Variants in GCNT2 observed in about 807,000 individuals in gnomAD.
The protein encoded by GCNT2 is glucosaminyl (N-acetyl) transferase 2 (I blood group), also known as N-acetyllactosaminide beta-1,6-N-acetylglucosaminyl-transferase.
A neutral mutation model predicts 34.2 loss-of-function variants in GCNT2; 34 were observed. The ratio of observed to expected loss-of-function variants is 1.00; its 90% CI spans 0.76 to 1.32. The LOEUF (loss-of-function observed/expected upper bound fraction) is 1.32, where lower values mean the gene tolerates loss of function less well. Among genes scored for constraint, GCNT2 ranks in the 40% most tolerant of loss-of-function variants. GCNT2 has a pLI of 0.00. For missense variants in GCNT2, 584 were observed against 489.4 expected (o/e 1.19, Z -1.82); for synonymous variants, 212 against 188.0 (o/e 1.13, Z -1.04).
intron 3 of GCNT2, among the ~76,000 whole-genome samples, chr6:10,544,135 G>A (rs915859811): frequency 7.9e-5 from 12 of 152,044 alleles, no homozygotes; most frequent in Middle Eastern, 3.4e-3. Flanking sequence ...CCAATATGGC[G>A]AAACCCCGTC....
chr6:10,585,975 A>G, intron 3 of GCNT2: 2 of 1,613,472 alleles, frequency 1.2e-6, no homozygotes. Context: ...TTGTTTCCCC[A>G]GGGAAGTGAA....
intron 3 of GCNT2, chr6:10,575,122 T>C (rs1168542282): frequency 2.1e-6 from 1 of 465,168 alleles, no homozygotes; most frequent in Non-Finnish European, 4.0e-6. Flanking sequence ...ATGTCACCTT[T>C]CTTATAGATT....
intron 3 of GCNT2, among the ~76,000 whole-genome samples, chr6:10,539,989 G>A (rs1761963753): frequency 6.6e-6 from 1 of 152,106 alleles, no homozygotes; most frequent in Non-Finnish European, 1.5e-5. Context: ...GAAGCAGGAG[G>A]ATCGCTTGAG....
intron 3 of GCNT2, among the ~76,000 whole-genome samples, chr6:10,600,381 T>TTTG (rs1288070891): frequency 6.6e-6 from 1 of 152,246 alleles, no homozygotes; most frequent in African/African-American, 2.4e-5. Context: ...TGTTGTTGAT[T>TTTG]TTGAAGCAGC....
chr6:10,526,365 G>A (rs1410333206), intron 1 of GCNT2, among the ~76,000 whole-genome samples: 1 of 152,106 alleles, frequency 6.6e-6, no homozygotes, highest in African/African-American at 2.4e-5. Context: ...CATTTCCTGT[G>A]TTCCTGACAC....
At chr6:10,556,590 C>T (rs767815975) in intron 3 of GCNT2, 153 of 1,614,072 alleles carry the variant, frequency 9.5e-5, no homozygotes, top group Non-Finnish European at 1.2e-4. Flanking sequence ...AATGGAAAAA[C>T]ACGTTTCCTG....
At chr6:10,618,830 G>A (rs1765906214) in intron 3 of GCNT2, among the ~76,000 whole-genome samples, 1 of 144,828 alleles carries the variant, frequency 6.9e-6, no homozygotes, top group African/African-American at 2.7e-5. Context: ...GCTTAATAGT[G>A]TTTTTCTTGA....
intron 3 of GCNT2, among the ~76,000 whole-genome samples, chr6:10,605,750 CTGCT>C (rs1765281323): frequency 6.6e-6 from 1 of 152,102 alleles, no homozygotes; most frequent in Admixed American, 6.5e-5. Context: ...CCATTTGCAC[CTGCT>C]ATCTACTTTG....
At chr6:10,601,944 AAAAAAAAAAAAAAAAAC>A (rs1301264720) in intron 3 of GCNT2, among the ~76,000 whole-genome samples, 2 of 12,536 alleles carry the variant, frequency 1.6e-4, no homozygotes, top group African/African-American at 5.8e-4. Context: ...CCATCTCAAG[AAAAAAAAAAAAAAAAAC>A]AAAAAAAACA....
intron 3 of GCNT2, among the ~76,000 whole-genome samples, chr6:10,534,139 C>CTTTTTATTTTTTTTTTTTTTTTTTTTTTT (rs1491129469): frequency 8.1e-6 from 1 of 123,152 alleles, no homozygotes; most frequent in Admixed American, 8.8e-5. Context: ...TTCCATGCTG[C>CTTTTTATTTTTTTTTTTTTTTTTTTTTTT]TCTTTTTTTT....
At position 10,601,943 on chromosome 6, in the gene GCNT2, GAA is replaced by G. The variant is rs57927445; in HGVS notation, c.926-19392_926-19391del. ...GCAACAGAGCGAGACTCCATCTCAAGAAAAAAAAAAAAAAAAACAAAAAAAAC... is the reference window on the plus strand; with the variant it reads ...GCAACAGAGCGAGACTCCATCTCAAGAAAAAAAAAAAAAAACAAAAAAAAC... On this transcript the variant is annotated intron_variant, in intron 3 of 4. Transcript: ENST00000495262. 3.8e-3 allele frequency among the ~76,000 whole-genome samples: 424 copies of G among 113,022 alleles called. 3 individuals are homozygous for G. The East Asian group carries it at 0.054, about 14-fold the overall frequency. 74.1% of individuals were successfully genotyped at this position (113,022 alleles called of 152,430 possible). A position where few individuals can be genotyped will look rare whatever the true frequency, so the allele number is the denominator to read the frequency against.
intron 3 of GCNT2, chr6:10,557,037 T>C (rs1480890230): frequency 4.3e-6 from 7 of 1,612,770 alleles, no homozygotes; most frequent in Non-Finnish European, 5.9e-6. Context: ...GTTCAGTATC[T>C]GAAAGGATTT....
At chr6:10,588,674 A>G (rs1360142902) in intron 3 of GCNT2, among the ~76,000 whole-genome samples, 2 of 152,130 alleles carry the variant, frequency 1.3e-5, no homozygotes, top group Non-Finnish European at 1.5e-5. Flanking sequence ...AGGAAGTTTC[A>G]CCTGATCACT....
intron 3 of GCNT2, among the ~76,000 whole-genome samples, chr6:10,595,430 A>G (rs867743616): frequency 6.6e-6 from 1 of 152,024 alleles, no homozygotes; most frequent in Non-Finnish European, 1.5e-5. Context: ...GGTGCCCGCC[A>G]CCACACCCAG....
At chr6:10,580,210 A>G (rs995267835) in intron 3 of GCNT2, among the ~76,000 whole-genome samples, 3 of 151,962 alleles carry the variant, frequency 2.0e-5, no homozygotes, top group African/African-American at 4.8e-5. Context: ...TTCTCTGAAT[A>G]CACTGGAAAA....
chr6:10,587,539 C>A (rs563345139), intron 3 of GCNT2, among the ~76,000 whole-genome samples: 2 of 152,308 alleles, frequency 1.3e-5, no homozygotes, highest in African/African-American at 4.8e-5. Context: ...GAGAGAGAAT[C>A]TAGCTACAGA....
intron 3 of GCNT2, among the ~76,000 whole-genome samples, chr6:10,543,884 G>T (rs1041877885): frequency 2.0e-5 from 3 of 152,098 alleles, no homozygotes; most frequent in Non-Finnish European, 4.4e-5. Context: ...GATTACATTT[G>T]AATTTAAAAT....
At chr6:10,569,229 C>G (rs910657810) in intron 3 of GCNT2, among the ~76,000 whole-genome samples, 1 of 35,092 alleles carries the variant, frequency 2.8e-5, no homozygotes, top group Non-Finnish European at 7.5e-5. Flanking sequence ...CCACCCACTC[C>G]CCCCGCCACA....
At chr6:10,593,032 C>T (rs1429021208) in intron 3 of GCNT2, among the ~76,000 whole-genome samples, 2 of 152,166 alleles carry the variant, frequency 1.3e-5, no homozygotes, top group South Asian at 4.1e-4. Flanking sequence ...TGAGCCACCA[C>T]GCCCAGCCTT....
Sources: allele counts gnomAD v4.1 joint callset (sites outside exome capture counted in the v4.1 genomes callset), GRCh38; gene constraint gnomAD v4.1.1; transcripts MANE v1.5; gene names NCBI Gene and HGNC (gene_info 2026-07-23, HGNC 2026-07-21).